The following SVIL variants were observed in gnomAD, a reference collection of about 807,000 sequenced individuals.
The protein encoded by SVIL is archvillin.
SVIL carries 101 observed loss-of-function variants against 240.4 expected under a neutral mutation model. The observed-to-expected ratio is 0.42, with a 90% CI of 0.36 to 0.50. SVIL has a LOEUF of 0.50. Ranked by LOEUF, SVIL falls within the 20% of genes least tolerant of loss-of-function variation. The pLI is 0.01. For missense variants in SVIL, 2,512 were observed against 2,818.7 expected, an observed-to-expected ratio of 0.89 and a Z score of 2.46; for synonymous variants, 999 against 1,100.0, an observed-to-expected ratio of 0.91 and a Z score of 1.82.
At chr10:29,584,697 C>T (rs563219367) in intron 1 of SVIL, among the ~76,000 whole-genome samples, 4 of 152,254 alleles carry the variant, frequency 2.6e-5, no homozygotes, top group South Asian at 4.1e-4. Context: ...GACACGGGTT[C>T]GGCAAGACAG....
At chr10:29,721,451 T>A (rs1963974284) in intron 1 of SVIL, among the ~76,000 whole-genome samples, 1 of 151,156 alleles carries the variant, frequency 6.6e-6, no homozygotes, top group Non-Finnish European at 1.5e-5. Context: ...GATACAACTG[T>A]ATACTGCCTA....
chr10:29,656,931 A>G (rs902690370), intron 3 of SVIL, among the ~76,000 whole-genome samples: 2 of 152,208 alleles, frequency 1.3e-5, no homozygotes, highest in Admixed American at 6.5e-5. Context: ...GTATTAATAT[A>G]AAGTTTGGTA....
intron 1 of SVIL, among the ~76,000 whole-genome samples, chr10:29,595,355 C>T (rs1956543470): frequency 6.6e-6 from 1 of 152,150 alleles, no homozygotes; most frequent in Non-Finnish European, 1.5e-5. Context: ...CCCCACCCGG[C>T]ACCCTCAGAG....
chr10:29,506,860 A>G (rs932686481), intron 17 of SVIL, among the ~76,000 whole-genome samples: 1 of 151,662 alleles, frequency 6.6e-6, no homozygotes, highest in African/African-American at 2.4e-5. Flanking sequence ...CAGAGGCCCT[A>G]GGAGGGAAGT....
chr10:29,662,724 T>G (rs1056471519), intron 2 of SVIL, among the ~76,000 whole-genome samples: 1 of 152,026 alleles, frequency 6.6e-6, no homozygotes, highest in Admixed American at 6.5e-5. Context: ...GAGCAACAAT[T>G]AAAGTGGGAA....
intron 2 of SVIL, among the ~76,000 whole-genome samples, chr10:29,679,980 C>T (rs965785562): frequency 6.6e-6 from 1 of 151,558 alleles, no homozygotes. Context: ...CCCAGGAGTT[C>T]GAGACCCTCG....
chr10:29,487,179 A>G lies in SVIL; in HGVS notation c.4469T>C (p.Val1490Ala), dbSNP rs899379947. 47 of 1,613,722 alleles carry G rather than the reference A, an allele frequency of 2.9e-5. No homozygotes were observed. The highest frequency in any genetic ancestry group is 3.3e-5 in the Non-Finnish European group (39 of 1,179,838). The stretch of plus-strand genomic sequence containing the variant: ...GGTACCAACCTTCGCCTTTTCTATG[A>G]CGTTTGCAAACTCTCCTACCCACAG... ...CFLWVGEFAN[V>A]IEKAKASELA... Residue 1490 changes from valine to alanine, a missense_variant, in exon 24 of 38, where the codon GTC becomes GCC. Transcript: ENST00000355867.
At chr10:29,535,409 G>C (rs1008004266) in intron 7 of SVIL, among the ~76,000 whole-genome samples, 2 of 152,220 alleles carry the variant, frequency 1.3e-5, no homozygotes, top group Admixed American at 6.5e-5. Context: ...GAAACTCTGT[G>C]TGTGGAGCTT....
At chr10:29,467,596 G>A (rs1712750905) in intron 33 of SVIL, 146 bp downstream of exon 33, 1 of 1,019,870 alleles carries the variant, frequency 9.8e-7, no homozygotes, top group Non-Finnish European at 1.4e-6. Flanking sequence ...GAGAGGCTGA[G>A]GCAGGCTGAT....
intron 6 of SVIL, among the ~76,000 whole-genome samples, chr10:29,547,960 C>T (rs1351909459): frequency 3.9e-5 from 6 of 152,182 alleles, no homozygotes; most frequent in African/African-American, 9.7e-5. Context: ...GTGGTTTCTA[C>T]GATGAAATGC....
intron 1 of SVIL, among the ~76,000 whole-genome samples, 159 bp from the exon 2 acceptor site, chr10:29,569,471 A>C (rs1955270426): frequency 6.6e-6 from 1 of 152,246 alleles, no homozygotes; most frequent in Non-Finnish European, 1.5e-5. Context: ...ACCTTCTAAG[A>C]ATCAAATTCC....
intron 2 of SVIL, among the ~76,000 whole-genome samples, chr10:29,678,656 G>C (rs1330696208): frequency 6.6e-6 from 1 of 152,212 alleles, no homozygotes; most frequent in Admixed American, 6.5e-5. Context: ...CTGTTCCCTG[G>C]AGGAATTCTG....
intron 1 of SVIL, among the ~76,000 whole-genome samples, chr10:29,725,730 C>T (rs906583395): frequency 1.3e-5 from 2 of 152,056 alleles, no homozygotes; most frequent in African/African-American, 2.4e-5. Flanking sequence ...GGCCAGTTTC[C>T]GCAACGCTCA....
chr10:29,507,075 C>A (rs1390435722), intron 17 of SVIL, among the ~76,000 whole-genome samples: 3 of 152,100 alleles, frequency 2.0e-5, no homozygotes, highest in Admixed American at 6.5e-5. Flanking sequence ...TTCAGAGAGG[C>A]TACAGTGAGG....
chr10:29,634,530 C>T lies in SVIL; in HGVS notation c.-311G>A, dbSNP rs911847684. The T allele has an allele frequency of 2.0e-5, 3 of 152,294 alleles. No individual in the cohort carries two copies. Among genetic ancestry groups the T allele is most frequent in the East Asian group, 3.9e-4 (2 of 5,180 alleles). The allele number at this position is 152,294 out of a possible 1,614,324, so 9.4% of individuals were successfully genotyped here. A position where few individuals can be genotyped will look rare whatever the true frequency, so the allele number is the denominator to read the frequency against. ...AACAAAACAAAACACGTTATACCCT[C>T]GAATCCAGCTTTTGATGTCTTCGAG... is the stretch of plus-strand genomic sequence containing the variant. On this transcript the variant is annotated 5_prime_UTR_variant, in exon 1 of 38. Coordinates refer to ENST00000355867, the MANE Select transcript of SVIL (RefSeq NM_021738.3).
intron 5 of SVIL, among the ~76,000 whole-genome samples, chr10:29,553,301 G>A (rs979581126): frequency 3.9e-5 from 6 of 152,018 alleles, no homozygotes; most frequent in African/African-American, 1.2e-4. Context: ...CAGCATGGCC[G>A]GGCACAGTGG....
rs778733609 is a variant in SVIL at position 29,523,859 on chromosome 10, C to T, written c.2755G>A (p.Asp919Asn). 6.2e-7 allele frequency: 1 copy of T among 1,614,156 alleles called. No individual in the cohort carries two copies. The highest frequency in any genetic ancestry group is 2.2e-5 in the East Asian group (1 of 44,884). ...TTCAGAATGCTTCTAACTGGAGAGTCCGAATTTTCTATTGAAGAAGAAAAC... is the reference window on the plus strand; with the variant it reads ...TTCAGAATGCTTCTAACTGGAGAGTTCGAATTTTCTATTGAAGAAGAAAAC... ...YKFSSSIENS[D>N]SPVRSILKSQ... is the part of the protein sequence containing the mutation. The change falls in exon 15 of 38, where the codon GAC (aspartate) becomes AAC (asparagine). Residue 919 changes from aspartate to asparagine, a missense_variant. Physicochemically the swap from Asp to Asn is conservative, Grantham distance 23 (BLOSUM62 1). Coordinates refer to ENST00000355867, the MANE Select transcript of SVIL (RefSeq NM_021738.3).
intron 1 of SVIL, among the ~76,000 whole-genome samples, chr10:29,629,491 C>T (rs1958002740): frequency 6.6e-6 from 1 of 152,142 alleles, no homozygotes; most frequent in South Asian, 2.1e-4. Flanking sequence ...GCAGGTGATT[C>T]CTATTAAAGT....
intron 34 of SVIL, among the ~76,000 whole-genome samples, chr10:29,464,490 C>T (rs1312269771): frequency 6.6e-5 from 10 of 152,102 alleles, no homozygotes; most frequent in African/African-American, 2.2e-4. Context: ...ACTGCCTTTT[C>T]CTCCTACCTT....
Sources: allele counts gnomAD v4.1 joint callset (sites outside exome capture counted in the v4.1 genomes callset), GRCh38; gene constraint gnomAD v4.1.1; transcripts MANE v1.5; gene names NCBI Gene and HGNC (gene_info 2026-07-23, HGNC 2026-07-21).